The following UBE3D variants were observed in gnomAD, a reference collection of about 807,000 sequenced individuals.
UBE3D encodes E3 ubiquitin-protein ligase E3D.
Under a neutral mutation model 49.6 loss-of-function variants are expected in UBE3D, and 48 were observed. The ratio of observed to expected loss-of-function variants is 0.97; its 90% CI spans 0.77 to 1.23. UBE3D has a LOEUF of 1.23. Among genes scored for constraint, UBE3D ranks in the 50% most tolerant of loss-of-function variants. The pLI, the probability that UBE3D is intolerant of heterozygous loss-of-function variation, is 0.00. For synonymous variants in UBE3D, 189 were observed against 174.2 expected, an observed-to-expected ratio of 1.08 and a Z score of -0.67; for missense variants, 452 against 468.4, an observed-to-expected ratio of 0.96 and a Z score of 0.32.
the UBE3D span, among the ~76,000 whole-genome samples, chr6:82,883,916 C>T: frequency 1.3e-5 from 2 of 152,078 alleles, no homozygotes; most frequent in African/African-American, 4.8e-5. Flanking sequence ...AGATTTCTGC[C>T]CTGAATCTAT....
rs1407434763 is a variant in UBE3D, at chr6:83,022,456, G to A, written c.843C>T (p.Ile281=). 1.3e-6 allele frequency: 2 copies of A among 1,587,132 alleles called. No homozygotes were observed. Among genetic ancestry groups the A allele is most frequent in the Non-Finnish European group, 1.7e-6 (2 of 1,167,692 alleles). The part of the protein sequence containing the change: ...TIQGQDDKVY[I]LLWLLNSDSL... Reference sequence around the variant, plus strand: ...GCTGGATAAAATAATTTCTTACCAAGATATACACTTTGTCATCCTGACCTT... The same window carrying A: ...GCTGGATAAAATAATTTCTTACCAAAATATACACTTTGTCATCCTGACCTT... Residue 281 remains isoleucine, a synonymous_variant, in exon 7 of 10, where the codon ATC becomes ATT. Transcript: ENST00000369747.
At chr6:82,972,694 T>C (rs1264028805) in intron 8 of UBE3D, among the ~76,000 whole-genome samples, 1 of 152,232 alleles carries the variant, frequency 6.6e-6, no homozygotes, top group Non-Finnish European at 1.5e-5. Flanking sequence ...TATAGCTTGG[T>C]GTTCTTTGTT....
At chr6:82,906,596 A>T (rs1171911900) in intron 9 of UBE3D, among the ~76,000 whole-genome samples, 1 of 152,160 alleles carries the variant, frequency 6.6e-6, no homozygotes, top group Non-Finnish European at 1.5e-5. Flanking sequence ...TTTTCCCAAG[A>T]AACATGGTTC....
intron 3 of UBE3D, among the ~76,000 whole-genome samples, chr6:83,052,450 TA>T (rs1783531246): frequency 6.6e-6 from 1 of 152,136 alleles, no homozygotes; most frequent in African/African-American, 2.4e-5. Context: ...AGAAGGCTCA[TA>T]ACAGTACCTG....
chr6:82,898,385 T>TTATTG (rs1392188652), intron 9 of UBE3D, among the ~76,000 whole-genome samples: 8 of 152,292 alleles, frequency 5.3e-5, no homozygotes, highest in African/African-American at 1.9e-4. Flanking sequence ...ACACGTATGT[T>TTATTG]TATTGTAGCA....
At chr6:82,888,244 C>A (rs1266142331), downstream of UBE3D, among the ~76,000 whole-genome samples, 1 of 150,822 alleles carries the variant, frequency 6.6e-6, no homozygotes, top group Non-Finnish European at 1.5e-5. Context: ...TCCATATAGG[C>A]AATCTACTGC....
intron 8 of UBE3D, among the ~76,000 whole-genome samples, chr6:83,001,514 A>G (rs188246989): frequency 5.9e-5 from 9 of 152,320 alleles, no homozygotes; most frequent in Admixed American, 5.2e-4. Flanking sequence ...TTCCTACAGC[A>G]GCCTTGTAGG....
At chr6:83,005,815 T>C (rs1227274286) in intron 8 of UBE3D, among the ~76,000 whole-genome samples, 1 of 152,098 alleles carries the variant, frequency 6.6e-6, no homozygotes, top group African/African-American at 2.4e-5. Flanking sequence ...TTTAAAAGGA[T>C]GGAAATCCTG....
chr6:82,940,308 T>C (rs1022923580), intron 9 of UBE3D, among the ~76,000 whole-genome samples: 2 of 152,216 alleles, frequency 1.3e-5, no homozygotes, highest in Non-Finnish European at 2.9e-5. Flanking sequence ...GGAATGAAGA[T>C]GACAACATCT....
intron 9 of UBE3D, among the ~76,000 whole-genome samples, chr6:82,930,852 C>T (rs1420070725): frequency 6.6e-6 from 1 of 152,138 alleles, no homozygotes; most frequent in Non-Finnish European, 1.5e-5. Context: ...GGAAGAAATT[C>T]GAGCCCACTG....
At position 82,992,046 on chromosome 6, in the gene UBE3D, T is replaced by A. The variant is rs538603506; in HGVS notation, c.1010+26927A>T. ...AAAAGTTTAAAGTTTTTATTACATT[T>A]TCTTTTGTTTTAATAGATTCCAGCA... On this transcript the variant is annotated intron_variant, in intron 8 of 9. Coordinates refer to ENST00000369747, the MANE Select transcript of UBE3D (RefSeq NM_198920.3). Among the ~76,000 whole-genome samples, 3 of 152,198 alleles carry A rather than the reference T, an allele frequency of 2.0e-5. No individual in the cohort carries two copies. The South Asian group carries it at 6.2e-4, about 32-fold the overall frequency.
intron 5 of UBE3D, among the ~76,000 whole-genome samples, chr6:83,028,381 G>T (rs1187443270): frequency 6.6e-6 from 1 of 152,068 alleles, no homozygotes; most frequent in East Asian, 1.9e-4. Flanking sequence ...ATTTTGCCAG[G>T]CACCTGGCAA....
At chr6:83,002,080 C>G (rs142349431) in intron 8 of UBE3D, among the ~76,000 whole-genome samples, 3 of 152,182 alleles carry the variant, frequency 2.0e-5, no homozygotes, top group African/African-American at 7.2e-5. Flanking sequence ...CACATACTCT[C>G]CCATTAGCTA....
intron 3 of UBE3D, among the ~76,000 whole-genome samples, chr6:83,047,072 A>G (rs937145721): frequency 3.3e-5 from 5 of 152,214 alleles, no homozygotes; most frequent in African/African-American, 1.2e-4. Flanking sequence ...TGTTGAAGAA[A>G]TGAACTAGCG....
At chr6:82,904,047 A>C (rs1038823585) in intron 9 of UBE3D, among the ~76,000 whole-genome samples, 2 of 152,208 alleles carry the variant, frequency 1.3e-5, no homozygotes, top group Middle Eastern at 3.2e-3. Flanking sequence ...TAGATTCTCC[A>C]TGAGAAGCTG....
At chr6:83,001,080 G>T (rs542244188) in intron 8 of UBE3D, among the ~76,000 whole-genome samples, 1 of 152,130 alleles carries the variant, frequency 6.6e-6, no homozygotes, top group Non-Finnish European at 1.5e-5. Context: ...CCTACCTCAG[G>T]TGATCTGCCA....
intron 8 of UBE3D, among the ~76,000 whole-genome samples, chr6:82,982,377 A>T (rs1428599101): frequency 2.0e-5 from 3 of 152,154 alleles, no homozygotes; most frequent in Admixed American, 2.0e-4. Context: ...TAACTTTCTA[A>T]ATTTTCTTTG....
At chr6:83,040,986 T>C (rs1477603234) in intron 4 of UBE3D, among the ~76,000 whole-genome samples, 2 of 152,240 alleles carry the variant, frequency 1.3e-5, no homozygotes, top group Non-Finnish European at 2.9e-5. Context: ...TCTGGCAGTT[T>C]AATGCTTTCT....
intron 9 of UBE3D, among the ~76,000 whole-genome samples, chr6:82,942,276 G>A (rs1039739633): frequency 6.6e-6 from 1 of 152,170 alleles, no homozygotes; most frequent in Non-Finnish European, 1.5e-5. Flanking sequence ...GTGGAACTTT[G>A]AGAGATATGT....
Sources: allele counts gnomAD v4.1 joint callset (sites outside exome capture counted in the v4.1 genomes callset), GRCh38; gene constraint gnomAD v4.1.1; transcripts MANE v1.5; gene names NCBI Gene and HGNC (gene_info 2026-07-23, HGNC 2026-07-21).